Variants in ACER3 observed in about 807,000 individuals in gnomAD.
ACER3 encodes alkaline ceramidase 3.
In ACER3, 16 loss-of-function variants were observed where a neutral mutation model predicts 48.9. The observed-to-expected ratio is 0.33, with a 90% CI of 0.22 to 0.50. The LOEUF (loss-of-function observed/expected upper bound fraction) is 0.50. Ranked by LOEUF, ACER3 falls within the 20% of genes least tolerant of loss-of-function variation. The pLI, the probability that ACER3 is intolerant of heterozygous loss-of-function variation, is 0.98. For synonymous variants in ACER3, 109 were observed against 107.8 expected (o/e 1.01, Z -0.07); for missense variants, 227 against 326.0 (o/e 0.70, Z 2.34).
intron 2 of ACER3, among the ~76,000 whole-genome samples, chr11:76,932,840 G>C (rs748827403): frequency 2.0e-4 from 30 of 152,114 alleles, no homozygotes; most frequent in Admixed American, 3.3e-4. Context: ...AAAGAGAAGA[G>C]AGGACTCAAG....
At chr11:76,888,550 A>T (rs113863437) in intron 1 of ACER3, among the ~76,000 whole-genome samples, 4,797 of 152,280 alleles carry the variant, frequency 0.032, 108 homozygotes, top group Non-Finnish European at 0.044. Context: ...CTGTGGAAGA[A>T]TCTATTAGCA....
chr11:76,937,876 C>T (rs889279255), intron 2 of ACER3, among the ~76,000 whole-genome samples: 2 of 152,090 alleles, frequency 1.3e-5, no homozygotes, highest in Non-Finnish European at 2.9e-5. Flanking sequence ...ATTACATATC[C>T]TCAATCTGAA....
intron 2 of ACER3, among the ~76,000 whole-genome samples, chr11:76,935,540 C>T (rs1346248928): frequency 6.6e-6 from 1 of 152,004 alleles, no homozygotes; most frequent in African/African-American, 2.4e-5. Flanking sequence ...TGGCATCAGA[C>T]CTTATCAGTA....
chr11:77,023,859 G>C lies in ACER3; in HGVS notation c.*3532G>C, dbSNP rs1389435406. On this transcript the variant is annotated 3_prime_UTR_variant, in exon 11 of 11. Transcript: ENST00000532485. ...GAGGCCGAGGTGAGCAGATCACAAG[G>C]TCAGGAGATCGAGACCATCCTGGCT... The C allele has an allele frequency of 6.6e-6, 1 of 152,074 alleles. No individual in the cohort carries two copies. Among genetic ancestry groups the C allele is most frequent in the Non-Finnish European group, 1.5e-5 (1 of 68,098 alleles). 9.4% of individuals were successfully genotyped at this position (152,074 alleles called of 1,614,324 possible). A position where few individuals can be genotyped will look rare whatever the true frequency, so the allele number is the denominator to read the frequency against.
chr11:77,010,590 A>G (rs983276225), intron 7 of ACER3, among the ~76,000 whole-genome samples: 6 of 152,180 alleles, frequency 3.9e-5, no homozygotes, highest in Non-Finnish European at 8.8e-5. Flanking sequence ...TAATTCAAGA[A>G]AACATTATAT....
chr11:77,002,035 G>A (rs1360120225), intron 7 of ACER3, among the ~76,000 whole-genome samples: 4 of 152,052 alleles, frequency 2.6e-5, no homozygotes, highest in African/African-American at 9.7e-5. Context: ...GCATGCCTGG[G>A]TCTGATTTCT....
At chr11:76,966,462 A>T (rs1245615253) in intron 3 of ACER3, among the ~76,000 whole-genome samples, 3 of 150,832 alleles carry the variant, frequency 2.0e-5, no homozygotes, top group African/African-American at 7.4e-5. Context: ...AGCGGACCTC[A>T]TAGACATCTA....
chr11:76,924,372 A>T (rs1437212623), intron 1 of ACER3, among the ~76,000 whole-genome samples: 2 of 151,642 alleles, frequency 1.3e-5, no homozygotes, highest in African/African-American at 4.8e-5. Context: ...TTATGTATTT[A>T]TTTATTTATT....
chr11:76,999,640 C>G (rs1475282268), intron 7 of ACER3, among the ~76,000 whole-genome samples: 20 of 152,236 alleles, frequency 1.3e-4, no homozygotes, highest in African/African-American at 4.8e-4. Flanking sequence ...TCCTCACTCC[C>G]TGTCCTTAAC....
At chr11:76,890,568 G>A (rs1945780087) in intron 1 of ACER3, among the ~76,000 whole-genome samples, 1 of 152,140 alleles carries the variant, frequency 6.6e-6, no homozygotes. Context: ...ATAGATTAAA[G>A]CAGAACCATT....
intron 7 of ACER3, among the ~76,000 whole-genome samples, chr11:76,999,059 A>C (rs537435953): frequency 1.3e-5 from 2 of 152,230 alleles, no homozygotes; most frequent in South Asian, 4.1e-4. Flanking sequence ...AATTAAAGAG[A>C]GCTGTCGACG....
intron 2 of ACER3, among the ~76,000 whole-genome samples, chr11:76,935,892 T>G (rs961443665): frequency 1.3e-5 from 2 of 152,218 alleles, no homozygotes; most frequent in Admixed American, 1.3e-4. Context: ...GCAGTGCAGA[T>G]ATAGAACATC....
At chr11:76,909,622 A>G (rs1946319202) in intron 1 of ACER3, among the ~76,000 whole-genome samples, 1 of 152,234 alleles carries the variant, frequency 6.6e-6, no homozygotes, top group South Asian at 2.1e-4. Context: ...AGGAAACAAT[A>G]GATGCTGGAG....
rs142089545 is a variant in ACER3 at position 77,008,716 on chromosome 11, A to G, written c.498-6300A>G. 4.4e-3 allele frequency among the ~76,000 whole-genome samples: 668 copies of G among 152,322 alleles called. 9 individuals carry two copies. The highest frequency in any genetic ancestry group is 0.015 in the African/African-American group (635 of 41,564). On this transcript the variant is annotated intron_variant, in intron 7 of 10. Transcript: ENST00000532485. The stretch of plus-strand genomic sequence containing the variant: ...AACAAAACACCTAGAAATTCTAAAT[A>G]TAATATAACAAACATCCTTTAAATG...
chr11:76,934,558 G>A (rs551224759), intron 2 of ACER3, among the ~76,000 whole-genome samples: 1 of 152,374 alleles, frequency 6.6e-6, no homozygotes, highest in Non-Finnish European at 1.5e-5. Context: ...CGTGGCGTGC[G>A]CCTGCAATCG....
At chr11:76,893,180 G>A (rs1489336263) in intron 1 of ACER3, among the ~76,000 whole-genome samples, 3 of 152,108 alleles carry the variant, frequency 2.0e-5, no homozygotes, top group Non-Finnish European at 2.9e-5. Flanking sequence ...GACATCCCAC[G>A]CTCATGAATC....
At chr11:76,885,219 G>A (rs1362657010) in intron 1 of ACER3, among the ~76,000 whole-genome samples, 2 of 152,006 alleles carry the variant, frequency 1.3e-5, no homozygotes, top group Admixed American at 1.3e-4. Flanking sequence ...AAGGTGCCTG[G>A]GATTTGTTTT....
chr11:77,020,767 G>A lies in ACER3; in HGVS notation c.*440G>A, dbSNP rs1949459296. Reference sequence around the variant, plus strand: ...ACCCCATATCCAGATAGTTAGCTGTGAGCCAGCACTCAGCTGTGTCAGATT... The same window carrying A: ...ACCCCATATCCAGATAGTTAGCTGTAAGCCAGCACTCAGCTGTGTCAGATT... On this transcript the variant is annotated 3_prime_UTR_variant, in exon 11 of 11. Transcript: ENST00000532485. 6.2e-6 allele frequency: 1 copy of A among 161,020 alleles called. No individual in the cohort carries two copies. Among genetic ancestry groups the A allele is most frequent in the African/African-American group, 2.4e-5 (1 of 41,510 alleles). The allele number at this position is 161,020 out of a possible 1,614,324, so 10.0% of individuals were successfully genotyped here. A position where few individuals can be genotyped will look rare whatever the true frequency, so the allele number is the denominator to read the frequency against.
intron 1 of ACER3, among the ~76,000 whole-genome samples, chr11:76,898,021 G>T (rs1437639097): frequency 6.6e-6 from 1 of 151,972 alleles, no homozygotes; most frequent in Non-Finnish European, 1.5e-5. Flanking sequence ...TTCATAAAAG[G>T]CACTGTTAAT....
Sources: gnomAD v4.1 joint callset for allele counts (sites outside exome capture counted in the v4.1 genomes callset) on GRCh38, gnomAD v4.1.1 for gene constraint, MANE v1.5 for transcripts, NCBI Gene and HGNC (gene_info 2026-07-23, HGNC 2026-07-21) for gene names.